SIGLEC1: variants seen among roughly 807,000 people sequenced by gnomAD.
The protein encoded by SIGLEC1 is sialoadhesin.
Under a neutral mutation model 148.0 loss-of-function variants are expected in SIGLEC1, and 132 were observed. The ratio of observed to expected loss-of-function variants is 0.89; its 90% CI spans 0.77 to 1.03. SIGLEC1 has a LOEUF of 1.03. Ranked by LOEUF, SIGLEC1 falls within the 50% of genes least tolerant of loss-of-function variation. The pLI is 0.00. For synonymous variants in SIGLEC1, 945 were observed against 969.0 expected (o/e 0.98, Z 0.46); for missense variants, 2,253 against 2,271.4 (o/e 0.99, Z 0.16).
Position 3,694,879 on chromosome 20 carries a change from G to A in SIGLEC1, c.2728C>T (p.Gln910Ter). ...VSPSPELQEG[Q>*]AVVLSCQVHT... ...ACCTGGCAGCTCAGGACCACAGCCT[G>A]GCCCTCTTGGAGCTCAGGTGATGGT... is the stretch of plus-strand genomic sequence containing the variant. The change falls in exon 12 of 22, where the codon CAG becomes TAG. Residue 910 changes from glutamine (Q) to a stop codon, truncating the protein, a stop_gained. Transcript: ENST00000344754. LOFTEE classifies it high-confidence loss of function. The A allele has an allele frequency of 6.2e-7, 1 of 1,613,186 alleles. No individual in the cohort carries two copies. The highest frequency in any genetic ancestry group is 2.2e-5 in the East Asian group (1 of 44,878).
chr20:3,706,736 G>C (rs988290675), intron 2 of SIGLEC1, 30 bp from the exon 3 acceptor site: 1 of 1,515,458 alleles, frequency 6.6e-7, no homozygotes, highest in East Asian at 2.5e-5. Context: ...GGGACAGAGG[G>C]GAGGGTGATA....
rs967046640 is a variant in SIGLEC1 at position 3,693,094 on chromosome 20, C to T, written c.3546G>A (p.Glu1182=). ...CCAGGGCCAGCTGCCCGCCATGGCT[C>T]TCCAGGAGGTAGGTCAGGCGCAGGT... is the stretch of plus-strand genomic sequence containing the variant. ...PRNLRLTYLL[E]SHGGQLALVL... Residue 1182 remains glutamate, a synonymous_variant, in exon 15 of 22, where the codon GAG becomes GAA. Transcript: ENST00000344754. The T allele has an allele frequency of 4.4e-6, 7 of 1,591,940 alleles. No homozygotes were observed. The Admixed American group carries it at 5.2e-5, about 12-fold the overall frequency.
chr20:3,707,529 C>A (rs1195958861), intron 1 of SIGLEC1, among the ~76,000 whole-genome samples: 1 of 152,126 alleles, frequency 6.6e-6, no homozygotes, highest in Admixed American at 6.6e-5. Flanking sequence ...ACCACCCAAA[C>A]CAACAGGAAC....
In SIGLEC1 at chr20:3,692,850, G is replaced by A. The variant is rs1331269450; in HGVS notation, c.3778+12C>T. The A allele has an allele frequency of 1.4e-5, 22 of 1,606,380 alleles. No homozygotes were observed. Among genetic ancestry groups the A allele is most frequent in the Non-Finnish European group, 1.8e-5 (21 of 1,177,380 alleles). On this transcript the variant is annotated intron_variant, in intron 15 of 21. Transcript: ENST00000344754. ...TTCCATCCCAGTGGGCTTGGCCTAGGCCCTGCCTTACCCTCCAGCCGCAGC... is the reference window on the plus strand; with the variant it reads ...TTCCATCCCAGTGGGCTTGGCCTAGACCCTGCCTTACCCTCCAGCCGCAGC...
At chr20:3,699,536 G>T in intron 7 of SIGLEC1, 77 bp from the exon 8 acceptor site, 1 of 1,527,798 alleles carries the variant, frequency 6.5e-7, no homozygotes. Context: ...AGCCTTCCAG[G>T]GTTCTCCTTT....
chr20:3,702,287 G>A (rs973528140), intron 6 of SIGLEC1, among the ~76,000 whole-genome samples: 49 of 152,134 alleles, frequency 3.2e-4, no homozygotes, highest in African/African-American at 1.2e-3. Context: ...TTATAGCTTA[G>A]ATAACAGTCT....
chr20:3,706,062 C>A (rs754720981), intron 3 of SIGLEC1, 22 bp from the exon 4 acceptor site: 13 of 1,599,546 alleles, frequency 8.1e-6, no homozygotes, highest in Non-Finnish European at 1.1e-5. Flanking sequence ...GACAGCAGTG[C>A]TCAGGACCCG....
In SIGLEC1 at chr20:3,699,256, G is replaced by A. The variant is rs368208746; in HGVS notation, c.1732C>T (p.Arg578Trp). 23 of 1,609,816 alleles carry A rather than the reference G, an allele frequency of 1.4e-5. No individual in the cohort carries two copies. Among genetic ancestry groups the A allele is most frequent in the South Asian group, 4.4e-5 (4 of 90,410 alleles). Residue 578 changes from arginine to tryptophan, a missense_variant, in exon 8 of 22, where the codon CGG becomes TGG. Physicochemically the swap from Arg to Trp is moderately radical, Grantham distance 101 (BLOSUM62 -3). Coordinates refer to ENST00000344754, the MANE Select transcript of SIGLEC1 (RefSeq NM_023068.4). ...GGGCCACTGGCACTGTGGCCGTCCC[G>A]GGCCCGGCAGTGGTATGAGCCGGCG... ...TDAGSYHCRA[R>W]DGHSASGPSS...
At chr20:3,692,485 C>T (rs1390923825) in intron 16 of SIGLEC1, 36 bp downstream of exon 16, 3 of 1,550,310 alleles carry the variant, frequency 1.9e-6, no homozygotes, top group Non-Finnish European at 2.6e-6. Flanking sequence ...CACCACCCTC[C>T]TCCTGGGCAG....
chr20:3,698,503 A>G (rs890918605), intron 8 of SIGLEC1, among the ~76,000 whole-genome samples: 4 of 152,160 alleles, frequency 2.6e-5, no homozygotes, highest in Admixed American at 2.0e-4. Context: ...CCTGCACCCA[A>G]TGCCTTACCA....
At chr20:3,709,698 A>G (rs1324039356) in intron 1 of SIGLEC1, among the ~76,000 whole-genome samples, 2 of 152,220 alleles carry the variant, frequency 1.3e-5, no homozygotes, top group East Asian at 3.8e-4. Flanking sequence ...TGGATAAACA[A>G]ACTGTGGTAT....
rs1286683593 is a variant in SIGLEC1 at position 3,694,237 on chromosome 20, A to G, written c.3240T>C (p.Ala1080=). The G allele has an allele frequency of 2.5e-6, 4 of 1,610,158 alleles. No individual in the cohort carries two copies. The African/African-American group carries it at 4.0e-5, about 16-fold the overall frequency. The change falls in exon 13 of 22, where the codon GCT becomes GCC. Residue 1080 remains alanine (A), a synonymous_variant. Coordinates refer to ENST00000344754, the MANE Select transcript of SIGLEC1 (RefSeq NM_023068.4). The part of the protein sequence containing the change: ...SNTLGQASAS[A]DFDAQAVNVQ... The stretch of plus-strand genomic sequence containing the variant: ...CACACTGACCTTGAGCGTCGAAGTC[A>G]GCTGAGGCCGAGGCCTGGCCCAGGG...
chr20:3,693,040 G>A lies in SIGLEC1; in HGVS notation c.3600C>T (p.Pro1200=), dbSNP rs763372403. ...LVLCTVDSRP[P]AQLALSHAGR... ...CGGCGTGGCTGAGGGCCAGCTGGGC[G>A]GGCGGGCGGCTGTCCACAGTGCACA... The change falls in exon 15 of 22, where the codon CCC becomes CCT. Residue 1200 remains proline, a synonymous_variant. Coordinates refer to ENST00000344754, the MANE Select transcript of SIGLEC1 (RefSeq NM_023068.4). 1.4e-5 allele frequency: 23 copies of A among 1,609,508 alleles called. No individual in the cohort carries two copies. The highest frequency in any genetic ancestry group is 4.5e-5 in the East Asian group (2 of 44,884).
Position 3,710,107 on chromosome 20 carries a change from G to C in SIGLEC1, c.-110+2363C>G, listed in dbSNP as rs2087920284. Among the ~76,000 whole-genome samples the C allele has an allele frequency of 6.6e-6, 1 of 152,174 alleles. No homozygotes were observed. The highest frequency in any genetic ancestry group is 2.1e-4 in the South Asian group (1 of 4,834). The stretch of plus-strand genomic sequence containing the variant: ...GTTGCCAACTTTGCAATCCTCCCTG[G>C]TCCTAAATGCTGACTTGGCCAAGTG... On this transcript the variant is annotated intron_variant, in intron 1 of 21. Transcript: ENST00000344754. This position sits in a 1 kb window ranked among gnomAD's most constrained non-coding sequence, Gnocchi z 4.6.
rs1453582923 is a variant in SIGLEC1, at chr20:3,704,030, C to T, written c.768G>A (p.Glu256=). The change falls in exon 5 of 22, where the codon GAG becomes GAA. Residue 256 remains glutamate (E), a synonymous_variant. Coordinates refer to ENST00000344754, the MANE Select transcript of SIGLEC1 (RefSeq NM_023068.4). ...TCACCTGGCAGGTGAGTGTGACCAG[C>T]TCACCTGGAAGGATGTTCCTCCCCG... ...SPSGRNILPG[E]LVTLTCQVNS... 1.9e-6 allele frequency: 3 copies of T among 1,613,616 alleles called. No individual in the cohort carries two copies. The highest frequency in any genetic ancestry group is 2.5e-6 in the Non-Finnish European group (3 of 1,179,832).
At chr20:3,696,975 C>T in intron 10 of SIGLEC1, 87 bp from the exon 11 acceptor site, 1 of 1,534,856 alleles carries the variant, frequency 6.5e-7, no homozygotes. Flanking sequence ...CTGCCACACA[C>T]ACAGCCTAAG....
Position 3,694,723 on chromosome 20 carries a change from C to T in SIGLEC1, c.2884G>A (p.Ala962Thr), listed in dbSNP as rs1427293068. ...LTQAGAYHCQ[A>T]QAPGSATTSL... ...GTGGTGGCTGAGCCTGGGGCCTGGG[C>T]TTGGCAATGATAGGCCCCAGCTTGT... Residue 962 changes from alanine to threonine, a missense_variant, in exon 12 of 22, where the codon GCC (alanine) becomes ACC (threonine). Ala to Thr is a moderately conservative substitution (Grantham distance 58, BLOSUM62 0). Coordinates refer to ENST00000344754, the MANE Select transcript of SIGLEC1 (RefSeq NM_023068.4). 6.2e-7 allele frequency: 1 copy of T among 1,613,836 alleles called. No homozygotes were observed. The highest frequency in any genetic ancestry group is 8.5e-7 in the Non-Finnish European group (1 of 1,180,000).
rs139521766 is a variant in SIGLEC1 at position 3,691,318 on chromosome 20, G to A, written c.4591+22C>T. On this transcript the variant is annotated intron_variant, in intron 18 of 21. Transcript: ENST00000344754. ...GTGTGAGATGTGGGGAGACTAAGGC[G>A]GAGGAGGGGGTTCACACTCACAGAG... 4.3e-4 allele frequency: 686 copies of A among 1,611,732 alleles called. 3 individuals are homozygous for A. In the African/African-American group the frequency reaches 7.5e-3, roughly 18 times the overall value.
At chr20:3,712,097 G>C (rs2087931770) in intron 1 of SIGLEC1, among the ~76,000 whole-genome samples, 1 of 151,880 alleles carries the variant, frequency 6.6e-6, no homozygotes, top group African/African-American at 2.4e-5. Flanking sequence ...CGGAGTTGTG[G>C]TTAGGGTTGG....
Sources: gnomAD v4.1 joint callset for allele counts (sites outside exome capture counted in the v4.1 genomes callset) on GRCh38, gnomAD v4.1.1 for gene constraint, Gnocchi (gnomAD v3.1) non-coding constraint, MANE v1.5 for transcripts, NCBI Gene and HGNC (gene_info 2026-07-23, HGNC 2026-07-21) for gene names.